The following MACF1 variants were observed in gnomAD, a reference collection of about 807,000 sequenced individuals.
The protein encoded by MACF1 is microtubule-actin cross-linking factor 1.
A neutral mutation model predicts 854.8 loss-of-function variants in MACF1; 193 were observed. The observed-to-expected ratio is 0.23, with a 90% CI of 0.20 to 0.25. MACF1 has a LOEUF of 0.25. Ranked by LOEUF, MACF1 falls within the 10% of genes least tolerant of loss-of-function variation. The pLI is 1.00. For synonymous variants in MACF1, 3,185 were observed against 3,226.7 expected (o/e 0.99, Z 0.44); for missense variants, 7,722 against 8,929.1 (o/e 0.86, Z 5.45).
At chr1:39,433,785 A>G (rs1245999883) in intron 68 of MACF1, among the ~76,000 whole-genome samples, 1 of 152,216 alleles carries the variant, frequency 6.6e-6, no homozygotes. Flanking sequence ...CTGATCCATT[A>G]TAATGGTATA....
rs537933616 is a variant in MACF1 at position 39,388,509 on chromosome 1, C to T, written c.15667C>T (p.Leu5223=). 1 of 1,614,132 alleles carries T rather than the reference C, an allele frequency of 6.2e-7. No homozygotes were observed. ...TERGKARQEQ[L]ELTLGRVEDF... ...GAGGGGGAAAGCTCGTCAGGAACAG[C>T]TGGAACTGACACTAGGCCGTGTAGA... is the stretch of plus-strand genomic sequence containing the variant. Residue 5223 remains leucine (L), a synonymous_variant, in exon 58 of 101, where the codon CTG becomes TTG. Coordinates refer to ENST00000564288, the MANE Select transcript of MACF1 (RefSeq NM_001394062.1).
intron 69 of MACF1, 23 bp from the exon 70 acceptor site, chr1:39,435,535 G>T: frequency 6.3e-7 from 1 of 1,577,864 alleles, no homozygotes; most frequent in South Asian, 1.1e-5. Flanking sequence ...TACTCATTAT[G>T]GTTTAATTCT....
intron 57 of MACF1, among the ~76,000 whole-genome samples, chr1:39,386,465 T>C (rs1292074652): frequency 2.0e-5 from 3 of 149,756 alleles, no homozygotes. Flanking sequence ...AGAGTCTCAC[T>C]CTGTTGCCCC....
intron 2 of MACF1, among the ~76,000 whole-genome samples, chr1:39,149,675 C>A (rs986456221): frequency 6.6e-6 from 1 of 152,150 alleles, no homozygotes; most frequent in African/African-American, 2.4e-5. Context: ...TGGAAATGTT[C>A]AAGCACTTGG....
intron 88 of MACF1, 48 bp from the exon 89 acceptor site, chr1:39,454,861 G>C (rs558243973): frequency 4.8e-5 from 72 of 1,496,030 alleles, no homozygotes; most frequent in Middle Eastern, 1.9e-4. Context: ...GGAAACAAAG[G>C]GGGTATGCTT....
chr1:39,422,326 A>T (rs1374167328), intron 58 of MACF1, 48 bp from the exon 59 acceptor site: 3 of 1,501,836 alleles, frequency 2.0e-6, no homozygotes, highest in African/African-American at 2.8e-5. Context: ...TGGTATAGAG[A>T]GTCTAATAGC....
chr1:39,479,608 T>C (rs761338205), intron 97 of MACF1, among the ~76,000 whole-genome samples, 190 bp from the exon 98 acceptor site: 2 of 152,194 alleles, frequency 1.3e-5, no homozygotes, highest in African/African-American at 4.8e-5. Context: ...AGTTAACATA[T>C]CTGCTATGGG....
At chr1:39,455,392 A>T (rs1644415690) in intron 89 of MACF1, among the ~76,000 whole-genome samples, 1 of 152,180 alleles carries the variant, frequency 6.6e-6, no homozygotes, top group Non-Finnish European at 1.5e-5. Flanking sequence ...ATGTTGGCAG[A>T]ATCCAGATCC....
chr1:39,145,052 TC>T (rs1457908420), intron 2 of MACF1, among the ~76,000 whole-genome samples: 2 of 152,192 alleles, frequency 1.3e-5, no homozygotes, highest in African/African-American at 4.8e-5. Flanking sequence ...CCACGCCTTT[TC>T]TATCCCCAGT....
chr1:39,480,045 A>C, intron 98 of MACF1, 36 bp downstream of exon 98: 1 of 1,328,396 alleles, frequency 7.5e-7, no homozygotes, highest in Non-Finnish European at 1.0e-6. Flanking sequence ...TTCTTCCCCA[A>C]TCCCACCCTC....
At chr1:39,292,537 A>G (rs752178259) in intron 16 of MACF1, among the ~76,000 whole-genome samples, 3 of 152,214 alleles carry the variant, frequency 2.0e-5, no homozygotes, top group Non-Finnish European at 4.4e-5. Context: ...TGCTGGAAAC[A>G]CAGGATAGTG....
intron 2 of MACF1, among the ~76,000 whole-genome samples, chr1:39,192,181 T>G (rs1163298992): frequency 6.6e-6 from 1 of 151,946 alleles, no homozygotes; most frequent in Non-Finnish European, 1.5e-5. Flanking sequence ...AACTTAAAAA[T>G]GGTTACCCAG....
Position 39,360,709 on chromosome 1 carries a change from ATT to A in MACF1, c.12245-82_12245-81del, listed in dbSNP as rs1161736783. ...ATAATAATAATTTTTATTATTTATTATTTAATAATATTAATAATAAAGTCTTT... is the reference window on the plus strand; with the variant it reads ...ATAATAATAATTTTTATTATTTATTATAATAATATTAATAATAAAGTCTTT... On this transcript the variant is annotated intron_variant, in intron 47 of 100. Coordinates refer to ENST00000564288, the MANE Select transcript of MACF1 (RefSeq NM_001394062.1). 1.6e-4 allele frequency: 56 copies of A among 344,462 alleles called. No homozygotes were observed. In the African/African-American group the frequency reaches 1.9e-3, roughly 12 times the overall value. 21.3% of individuals were successfully genotyped at this position (344,462 alleles called of 1,614,324 possible).
intron 58 of MACF1, among the ~76,000 whole-genome samples, chr1:39,393,865 GAAAGAAAGAGAGAAAGA>G (rs1557628496): frequency 7.1e-6 from 1 of 140,332 alleles, no homozygotes; most frequent in Non-Finnish European, 1.5e-5. Context: ...GAGAGAGAGA[GAAAGAAAGAGAGAAAGA>G]AAAGAAAGGA....
At chr1:39,301,166 G>A (rs1301015060) in intron 22 of MACF1, among the ~76,000 whole-genome samples, 1 of 151,840 alleles carries the variant, frequency 6.6e-6, no homozygotes, top group Non-Finnish European at 1.5e-5. Flanking sequence ...TCGCCCTGTC[G>A]CCCAGGCTGG....
Position 39,477,045 on chromosome 1 carries a change from GTATATATATATATATATATATATA to G in MACF1, c.21959-2730_21959-2707del, listed in dbSNP as rs745911075. On this transcript the variant is annotated intron_variant, in intron 97 of 100. Transcript: ENST00000564288. ...ATACACACACATATATACACTTAGT[GTATATATATATATATATATATATA>G]TATATATATATATATATATATACAC... Among the ~76,000 whole-genome samples, 233 of 63,760 alleles carry G rather than the reference GTATATATATATATATATATATATA, an allele frequency of 3.7e-3. 6 individuals carry two copies. Among genetic ancestry groups the G allele is most frequent in the African/African-American group, 9.8e-3 (159 of 16,218 alleles). The allele number at this position is 63,760 out of a possible 152,430, so 41.8% of individuals were successfully genotyped here. A position where few individuals can be genotyped will look rare whatever the true frequency, so the allele number is the denominator to read the frequency against.
At chr1:39,343,116 G>A (rs900510076) in intron 40 of MACF1, among the ~76,000 whole-genome samples, 2 of 152,084 alleles carry the variant, frequency 1.3e-5, no homozygotes, top group Admixed American at 1.3e-4. Context: ...AAGACCATGA[G>A]ACACATGTGA....
Position 39,391,426 on chromosome 1 carries a change from G to C in MACF1, c.15816+2768G>C, listed in dbSNP as rs550975718. 9.9e-5 allele frequency among the ~76,000 whole-genome samples: 15 copies of C among 152,258 alleles called. No homozygotes were observed. In the East Asian group the frequency reaches 2.9e-3, roughly 29 times the overall value. ...GATTGGCTGTGCATGTGTGTGTGGA[G>C]AGGAGGAGGTAATTTTGGGATTTCT... is the stretch of plus-strand genomic sequence containing the variant. On this transcript the variant is annotated intron_variant, in intron 58 of 100. Transcript: ENST00000564288.
intron 41 of MACF1, among the ~76,000 whole-genome samples, chr1:39,348,347 T>G (rs1397936079): frequency 6.6e-6 from 1 of 152,220 alleles, no homozygotes; most frequent in African/African-American, 2.4e-5. Context: ...GGTAGACTCC[T>G]GAGCTGCAGC....
Sources: gnomAD v4.1 joint callset for allele counts (sites outside exome capture counted in the v4.1 genomes callset) on GRCh38, gnomAD v4.1.1 for gene constraint, MANE v1.5 for transcripts, NCBI Gene and HGNC (gene_info 2026-07-23, HGNC 2026-07-21) for gene names.